The following MACROD2 variants were observed in gnomAD, a reference collection of about 807,000 sequenced individuals.
MACROD2 encodes ADP-ribose glycohydrolase MACROD2.
A neutral mutation model predicts 70.4 loss-of-function variants in MACROD2; 36 were observed. That is an observed-to-expected ratio of 0.51 (90% confidence interval 0.39 to 0.68). MACROD2 has a LOEUF of 0.68. Ranked by LOEUF, MACROD2 falls within the 30% of genes least tolerant of loss-of-function variation. The pLI is 0.00. For synonymous variants in MACROD2, 172 were observed against 178.8 expected (o/e 0.96, Z 0.30); for missense variants, 496 against 538.4 (o/e 0.92, Z 0.78).
At chr20:15,921,622 A>C (rs2065408457) in intron 10 of MACROD2, among the ~76,000 whole-genome samples, 1 of 152,228 alleles carries the variant, frequency 6.6e-6, no homozygotes, top group Non-Finnish European at 1.5e-5. Flanking sequence ...GTTAGAAGCC[A>C]TCTTAGCCAC....
chr20:14,730,140 G>A, intron 5 of MACROD2, among the ~76,000 whole-genome samples: 1 of 152,166 alleles, frequency 6.6e-6, no homozygotes, highest in Non-Finnish European at 1.5e-5. Context: ...TGTGGAGGGT[G>A]TGGTGAGCAG....
chr20:14,143,674 G>A (rs1188150260), intron 3 of MACROD2, among the ~76,000 whole-genome samples: 1 of 152,112 alleles, frequency 6.6e-6, no homozygotes, highest in Non-Finnish European at 1.5e-5. Context: ...ACTTTGAAAT[G>A]TAAAGTTTCT....
At position 15,208,495 on chromosome 20, in the gene MACROD2, G is replaced by A. The variant is rs143138331; in HGVS notation, c.419-21445G>A. ...AATGAGTGATTTTATATAATACCCT[G>A]TATGTTATAAGACTCTGGATCTTTT... On this transcript the variant is annotated intron_variant, in intron 5 of 17. Coordinates refer to ENST00000684519, the MANE Select transcript of MACROD2 (RefSeq NM_001351661.2). Among the ~76,000 whole-genome samples the A allele has an allele frequency of 1.9e-3, 288 of 152,196 alleles. 1 individual carries two copies. Among genetic ancestry groups the A allele is most frequent in the African/African-American group, 6.6e-3 (276 of 41,514 alleles).
intron 4 of MACROD2, among the ~76,000 whole-genome samples, chr20:14,668,990 C>G (rs944593304): frequency 1.3e-5 from 2 of 152,074 alleles, no homozygotes; most frequent in Non-Finnish European, 2.9e-5. Context: ...TTAAGCCCAA[C>G]TTTTTCTTAA....
intron 4 of MACROD2, among the ~76,000 whole-genome samples, chr20:14,509,189 G>T (rs548538980): frequency 7.6e-4 from 115 of 152,072 alleles, no homozygotes; most frequent in African/African-American, 2.6e-3. Flanking sequence ...AGGCTAGAGG[G>T]TTTTTTGTAA....
At chr20:15,244,608 A>C (rs1186460206) in intron 6 of MACROD2, among the ~76,000 whole-genome samples, 1 of 152,188 alleles carries the variant, frequency 6.6e-6, no homozygotes, top group African/African-American at 2.4e-5. Flanking sequence ...CAAGTGTATC[A>C]TTCCAGAAGG....
intron 6 of MACROD2, among the ~76,000 whole-genome samples, chr20:15,350,901 A>G (rs1413569366): frequency 2.0e-5 from 3 of 152,146 alleles, no homozygotes; most frequent in Non-Finnish European, 2.9e-5. Context: ...TATCCTCTCC[A>G]TACATTGAAT....
chr20:15,850,510 C>A (rs181805147), intron 8 of MACROD2, among the ~76,000 whole-genome samples: 1 of 152,352 alleles, frequency 6.6e-6, no homozygotes. Flanking sequence ...CACCTCCAGA[C>A]TGTGTGGGCC....
chr20:14,903,550 T>G (rs1342791991), intron 5 of MACROD2, among the ~76,000 whole-genome samples: 2 of 145,930 alleles, frequency 1.4e-5, no homozygotes, highest in African/African-American at 2.6e-5. Flanking sequence ...CACTATAATT[T>G]TGTTAGTTTT....
chr20:15,629,034 C>T (rs2049249072), intron 8 of MACROD2, among the ~76,000 whole-genome samples: 1 of 152,014 alleles, frequency 6.6e-6, no homozygotes. Flanking sequence ...TTGGGTCATT[C>T]CCAGTTTGAG....
At position 16,049,932 on chromosome 20, in the gene MACROD2, A is replaced by G. The variant is rs536841189; in HGVS notation, c.*56A>G. ...CTCTGGGGGAGCTCGGGAAGATAGC[A>G]GCACACGCTGTGGAGGAGGGTGGGG... On this transcript the variant is annotated 3_prime_UTR_variant, in exon 18 of 18. Transcript: ENST00000684519. The G allele has an allele frequency of 1.7e-6, 1 of 587,736 alleles. No individual in the cohort carries two copies. The highest frequency in any genetic ancestry group is 1.5e-5 in the South Asian group (1 of 64,626). 36.4% of individuals were successfully genotyped at this position (587,736 alleles called of 1,614,324 possible).
At chr20:15,467,870 A>G (rs2046915132) in intron 7 of MACROD2, among the ~76,000 whole-genome samples, 1 of 152,150 alleles carries the variant, frequency 6.6e-6, no homozygotes, top group Non-Finnish European at 1.5e-5. Context: ...ACTGCATTCT[A>G]ATTTGTATGA....
intron 5 of MACROD2, among the ~76,000 whole-genome samples, chr20:15,137,480 G>A (rs1402820152): frequency 2.0e-4 from 29 of 145,760 alleles, no homozygotes; most frequent in East Asian, 6.3e-4. Flanking sequence ...AACACCGCAT[G>A]TTCTCACTCA....
intron 5 of MACROD2, among the ~76,000 whole-genome samples, chr20:15,188,766 A>G (rs1006429525): frequency 1.3e-5 from 2 of 152,138 alleles, no homozygotes; most frequent in African/African-American, 4.8e-5. Context: ...GAGTTTTTTG[A>G]CCTTGAAATA....
intron 3 of MACROD2, among the ~76,000 whole-genome samples, chr20:14,123,833 T>C (rs2054613564): frequency 6.6e-6 from 1 of 152,140 alleles, no homozygotes; most frequent in South Asian, 2.1e-4. Context: ...TAAAAATATG[T>C]CTGTGATCAG....
At chr20:14,271,862 G>A (rs1302752412) in intron 3 of MACROD2, among the ~76,000 whole-genome samples, 1 of 152,160 alleles carries the variant, frequency 6.6e-6, no homozygotes, top group Non-Finnish European at 1.5e-5. Context: ...AGCCTCAGGA[G>A]CTGATGCAAT....
intron 6 of MACROD2, among the ~76,000 whole-genome samples, chr20:15,332,149 A>G (rs1056754664): frequency 1.3e-5 from 2 of 151,584 alleles, no homozygotes; most frequent in African/African-American, 4.9e-5. Flanking sequence ...TGCTGTTGAC[A>G]TGGGCATATC....
chr20:14,874,857 A>G (rs1342570935), intron 5 of MACROD2, among the ~76,000 whole-genome samples: 1 of 151,726 alleles, frequency 6.6e-6, no homozygotes, highest in Non-Finnish European at 1.5e-5. Context: ...GGTGTGCGCC[A>G]CAACCCCTGG....
chr20:15,455,774 C>T (rs77879241), intron 7 of MACROD2, among the ~76,000 whole-genome samples: 5,588 of 152,140 alleles, frequency 0.037, 117 homozygotes, highest in South Asian at 0.063. Flanking sequence ...TCTATTGTAA[C>T]GTCTGTGCTC....
Sources: gnomAD v4.1 joint callset for allele counts (sites outside exome capture counted in the v4.1 genomes callset) on GRCh38, gnomAD v4.1.1 for gene constraint, MANE v1.5 for transcripts, NCBI Gene and HGNC (gene_info 2026-07-23, HGNC 2026-07-21) for gene names.